Variants in NUBPL observed in about 807,000 individuals in gnomAD.
NUBPL encodes the protein NUBP iron-sulfur cluster assembly factor, mitochondrial.
A neutral mutation model predicts 45.7 loss-of-function variants in NUBPL; 31 were observed. That is an observed-to-expected ratio of 0.68 (90% CI 0.51 to 0.92). NUBPL has a LOEUF of 0.92. Ranked by LOEUF, NUBPL falls within the 40% of genes least tolerant of loss-of-function variation. The pLI is 0.00. For missense variants in NUBPL, 401 were observed against 398.7 expected (o/e 1.01, Z -0.05); for synonymous variants, 144 against 140.9 (o/e 1.02, Z -0.15).
At chr14:31,619,112 T>G (rs2034990482) in intron 4 of NUBPL, among the ~76,000 whole-genome samples, 1 of 152,198 alleles carries the variant, frequency 6.6e-6, no homozygotes, top group Non-Finnish European at 1.5e-5. Flanking sequence ...CAACCCATGC[T>G]ATTTTTTTGC....
At chr14:31,653,545 C>T (rs1299287333) in intron 4 of NUBPL, among the ~76,000 whole-genome samples, 2 of 152,202 alleles carry the variant, frequency 1.3e-5, no homozygotes, top group Non-Finnish European at 2.9e-5. Context: ...CCCGACCCCG[C>T]AGGCAGTCAG....
chr14:31,836,220 T>C (rs1202757567), intron 8 of NUBPL, among the ~76,000 whole-genome samples: 1 of 152,124 alleles, frequency 6.6e-6, no homozygotes, highest in Non-Finnish European at 1.5e-5. Flanking sequence ...ACTGCAAAAA[T>C]CACACGCAAA....
intron 4 of NUBPL, among the ~76,000 whole-genome samples, chr14:31,640,300 T>C (rs1453195866): frequency 6.6e-6 from 1 of 152,094 alleles, no homozygotes; most frequent in African/African-American, 2.4e-5. Flanking sequence ...CCACCATACT[T>C]ATGAGACTTA....
chr14:31,724,535 T>G (rs2037878440), intron 6 of NUBPL, among the ~76,000 whole-genome samples: 1 of 152,230 alleles, frequency 6.6e-6, no homozygotes, highest in South Asian at 2.1e-4. Context: ...ATGGTTTGTT[T>G]AATGAATTTT....
At chr14:31,638,286 G>C (rs1313945766) in intron 4 of NUBPL, among the ~76,000 whole-genome samples, 1 of 151,360 alleles carries the variant, frequency 6.6e-6, no homozygotes, top group East Asian at 1.9e-4. Context: ...CAGGCCTGGT[G>C]GTGACAAAAT....
chr14:31,808,946 C>T (rs1423810932), intron 7 of NUBPL, among the ~76,000 whole-genome samples: 2 of 152,160 alleles, frequency 1.3e-5, no homozygotes, highest in African/African-American at 4.8e-5. Context: ...TTGGACCAGC[C>T]TTGTATCCCA....
intron 8 of NUBPL, among the ~76,000 whole-genome samples, chr14:31,832,801 G>C (rs2040214201): frequency 6.6e-6 from 1 of 152,108 alleles, no homozygotes; most frequent in African/African-American, 2.4e-5. Flanking sequence ...CTTTGTAACT[G>C]TATGACCTGA....
intron 7 of NUBPL, among the ~76,000 whole-genome samples, chr14:31,825,122 A>G (rs548794559): frequency 2.0e-5 from 3 of 152,176 alleles, no homozygotes; most frequent in African/African-American, 7.2e-5. Flanking sequence ...GGCCTCTACC[A>G]TTTTGCATCT....
intron 6 of NUBPL, among the ~76,000 whole-genome samples, chr14:31,675,730 T>C (rs1453342822): frequency 6.6e-6 from 1 of 152,184 alleles, no homozygotes; most frequent in Admixed American, 6.5e-5. Context: ...AGAAGTCTGG[T>C]TTAAAGTTGT....
At chr14:31,841,917 C>CTTTTTTTTTTTTTTTTTT (rs547795007) in intron 8 of NUBPL, among the ~76,000 whole-genome samples, 6 of 43,034 alleles carry the variant, frequency 1.4e-4, no homozygotes, top group Admixed American at 3.2e-4. Context: ...CGATTCTGGG[C>CTTTTTTTTTTTTTTTTTT]TTTTTTTTTT....
intron 4 of NUBPL, among the ~76,000 whole-genome samples, chr14:31,640,813 C>T (rs995985486): frequency 6.6e-6 from 1 of 152,048 alleles, no homozygotes; most frequent in East Asian, 1.9e-4. Flanking sequence ...ATGGGGACAT[C>T]GATCACCTTA....
chr14:31,860,984 G>A lies in NUBPL; in HGVS notation c.*1804G>A, dbSNP rs953818279. 14 of 152,326 alleles carry A rather than the reference G, an allele frequency of 9.2e-5. No homozygotes were observed. The highest frequency in any genetic ancestry group is 3.1e-4 in the African/African-American group (13 of 41,554). The allele number at this position is 152,326 out of a possible 1,614,324, so 9.4% of individuals were successfully genotyped here. On this transcript the variant is annotated 3_prime_UTR_variant, in exon 11 of 11. Coordinates refer to ENST00000281081, the MANE Select transcript of NUBPL (RefSeq NM_025152.3). The stretch of plus-strand genomic sequence containing the variant: ...TAGTGGTGGCTGTGTTAAGGAGGGG[G>A]TGAGGATGGGAGAGAATTGGGCGTG...
intron 7 of NUBPL, among the ~76,000 whole-genome samples, chr14:31,800,265 C>G (rs2039561656): frequency 6.6e-6 from 1 of 152,208 alleles, no homozygotes; most frequent in South Asian, 2.1e-4. Context: ...TTCTTCCAAA[C>G]TCCTGTTCAT....
chr14:31,806,636 A>G (rs2039692236), intron 7 of NUBPL, among the ~76,000 whole-genome samples: 1 of 151,952 alleles, frequency 6.6e-6, no homozygotes, highest in Non-Finnish European at 1.5e-5. Flanking sequence ...TTTTCTTATT[A>G]TACTTTAAGT....
intron 4 of NUBPL, among the ~76,000 whole-genome samples, chr14:31,653,496 A>G (rs934651978): frequency 6.6e-6 from 1 of 152,218 alleles, no homozygotes; most frequent in South Asian, 2.1e-4. Context: ...AGGTCTGTTT[A>G]TAGGCTGTCT....
chr14:31,836,148 A>G (rs2040278139), intron 8 of NUBPL, among the ~76,000 whole-genome samples: 1 of 152,198 alleles, frequency 6.6e-6, no homozygotes, highest in Admixed American at 6.5e-5. Context: ...ATATTTCAAG[A>G]GAATCAATTT....
At chr14:31,787,967 C>T (rs959601459) in intron 7 of NUBPL, 94 bp downstream of exon 7, 2 of 796,078 alleles carry the variant, frequency 2.5e-6, no homozygotes, top group African/African-American at 3.5e-5. Flanking sequence ...AAATATTTTG[C>T]CTTAAAAATA....
chr14:31,843,052 G>A (rs1388582122), intron 8 of NUBPL, among the ~76,000 whole-genome samples: 2 of 152,100 alleles, frequency 1.3e-5, no homozygotes, highest in Admixed American at 6.5e-5. Context: ...CTCATGCTCT[G>A]TGTCCATTGT....
intron 4 of NUBPL, among the ~76,000 whole-genome samples, chr14:31,631,917 A>G (rs1434696301): frequency 6.6e-6 from 1 of 152,172 alleles, no homozygotes; most frequent in African/African-American, 2.4e-5. Flanking sequence ...AACCAAATTT[A>G]TGGGTATACG....
Sources: allele counts gnomAD v4.1 joint callset (sites outside exome capture counted in the v4.1 genomes callset), GRCh38; gene constraint gnomAD v4.1.1; transcripts MANE v1.5; gene names NCBI Gene and HGNC (gene_info 2026-07-23, HGNC 2026-07-21).